Variants in CRYL1 observed in about 807,000 individuals in gnomAD.
CRYL1 encodes the protein crystallin lambda 1, also known as lambda-crystallin homolog.
A neutral mutation model predicts 36.6 loss-of-function variants in CRYL1; 29 were observed. The ratio of observed to expected loss-of-function variants is 0.79; its 90% confidence interval spans 0.59 to 1.08. The LOEUF (loss-of-function observed/expected upper bound fraction) is 1.08. Among genes scored for constraint, CRYL1 ranks in the 50% least tolerant of loss-of-function variants. CRYL1 has a pLI of 0.00. For missense variants in CRYL1, 411 were observed against 407.9 expected (o/e 1.01, Z -0.06); for synonymous variants, 152 against 151.5 (o/e 1.00, Z -0.02).
chr13:20,458,894 T>C (rs879441673), intron 3 of CRYL1, among the ~76,000 whole-genome samples: 3 of 152,214 alleles, frequency 2.0e-5, no homozygotes, highest in Admixed American at 6.5e-5. Flanking sequence ...AATTGTGCCC[T>C]TTTAAAAAAC....
At chr13:20,503,477 A>G (rs748593147) in intron 2 of CRYL1, among the ~76,000 whole-genome samples, 12 of 152,204 alleles carry the variant, frequency 7.9e-5, no homozygotes, top group Non-Finnish European at 1.6e-4. Flanking sequence ...CCTCCCGCTG[A>G]CTAGGCTGGG....
intron 5 of CRYL1, among the ~76,000 whole-genome samples, chr13:20,421,662 C>T (rs1467127449): frequency 6.6e-6 from 1 of 152,172 alleles, no homozygotes; most frequent in African/African-American, 2.4e-5. Context: ...TTCTGGGGAC[C>T]CTTACCCCTG....
At chr13:20,496,541 A>G (rs1196418662) in intron 2 of CRYL1, among the ~76,000 whole-genome samples, 1 of 152,208 alleles carries the variant, frequency 6.6e-6, no homozygotes, top group Non-Finnish European at 1.5e-5. Context: ...ACACAGTAAC[A>G]TAAAGCACAT....
At chr13:20,477,155 C>T (rs1056002736) in intron 3 of CRYL1, among the ~76,000 whole-genome samples, 1 of 152,042 alleles carries the variant, frequency 6.6e-6, no homozygotes, top group Non-Finnish European at 1.5e-5. Flanking sequence ...AGCGGGACTC[C>T]GTCTCAAAAA....
intron 6 of CRYL1, among the ~76,000 whole-genome samples, chr13:20,405,685 C>G (rs552676261): frequency 6.6e-6 from 1 of 152,196 alleles, no homozygotes; most frequent in South Asian, 2.1e-4. Flanking sequence ...CTGCTGCTCC[C>G]CAGCCTTGGA....
intron 4 of CRYL1, 65 bp downstream of exon 4, chr13:20,439,528 A>T: frequency 9.8e-7 from 1 of 1,024,968 alleles, no homozygotes; most frequent in Non-Finnish European, 1.3e-6. Context: ...AAAAAAAAAA[A>T]AAGAAAAAAA....
intron 2 of CRYL1, among the ~76,000 whole-genome samples, chr13:20,508,596 C>T (rs1006383823): frequency 6.6e-6 from 1 of 152,002 alleles, no homozygotes; most frequent in African/African-American, 2.4e-5. Flanking sequence ...CCTGTAATCC[C>T]AGCACTTTGG....
At position 20,430,585 on chromosome 13, in the gene CRYL1, A is replaced by C. The variant is rs1046299020; in HGVS notation, c.633+1517T>G. The C allele has an allele frequency of 3.0e-6, 3 of 985,246 alleles. No homozygotes were observed. In the African/African-American group the frequency reaches 5.2e-5, roughly 17 times the overall value. 61.0% of individuals were successfully genotyped at this position (985,246 alleles called of 1,614,324 possible). On this transcript the variant is annotated intron_variant, in intron 5 of 7. Transcript: ENST00000298248. Reference sequence around the variant, plus strand: ...CCCTCCTCCAGCAGCAAAAGGAAACACCAGAGTCCTCCATGGCTCTTGCAA... The same window carrying C: ...CCCTCCTCCAGCAGCAAAAGGAAACCCCAGAGTCCTCCATGGCTCTTGCAA...
intron 3 of CRYL1, among the ~76,000 whole-genome samples, chr13:20,482,676 C>T (rs1593476287): frequency 6.6e-6 from 1 of 152,146 alleles, no homozygotes; most frequent in African/African-American, 2.4e-5. Flanking sequence ...TGGGCTTCGC[C>T]CCCTGGGGCT....
intron 3 of CRYL1, among the ~76,000 whole-genome samples, chr13:20,444,576 G>A (rs12866627): frequency 0.25 from 37,879 of 152,144 alleles, 5,333 homozygotes; most frequent in Non-Finnish European, 0.32. Context: ...TTTTTGTACC[G>A]TTTGTGAAAT....
Position 20,478,723 on chromosome 13 carries a change from C to T in CRYL1, c.276+10647G>A, listed in dbSNP as rs187543714. On this transcript the variant is annotated intron_variant, in intron 3 of 7. Transcript: ENST00000298248. ...AACTCCTGAGCTCAAGCAATCTACC[C>T]GCTGTGGCCTCCCCATGTTCTGGGA... is the stretch of plus-strand genomic sequence containing the variant. Among the ~76,000 whole-genome samples the T allele has an allele frequency of 1.5e-3, 223 of 152,204 alleles. 1 individual carries two copies. The highest frequency in any genetic ancestry group is 1.8e-3 in the Admixed American group (27 of 15,294).
chr13:20,439,546 C>CAAAAAAAA, intron 4 of CRYL1, 47 bp downstream of exon 4: 1 of 693,692 alleles, frequency 1.4e-6, no homozygotes, highest in East Asian at 4.3e-5. Context: ...AAAAAAAACA[C>CAAAAAAAA]AGAATGAGAT....
rs2031292008 is a variant in CRYL1 at position 20,403,908 on chromosome 13, GC to G, written c.*220del. On this transcript the variant is annotated 3_prime_UTR_variant, in exon 8 of 8. Transcript: ENST00000298248. Reference sequence around the variant, plus strand: ...CTGCCCAGGTGGCAGGAAATCGACAGCCCCGAGAACGCAAGTGCTGCTGTGC... The same window carrying G: ...CTGCCCAGGTGGCAGGAAATCGACAGCCCGAGAACGCAAGTGCTGCTGTGC... 2.6e-6 allele frequency: 1 copy of G among 387,950 alleles called. No homozygotes were observed. Among genetic ancestry groups the G allele is most frequent in the Non-Finnish European group, 4.6e-6 (1 of 217,934 alleles). The allele number at this position is 387,950 out of a possible 1,614,324, so 24.0% of individuals were successfully genotyped here.
rs931552730 is a variant in CRYL1 at position 20,415,980 on chromosome 13, G to A, written c.634-2593C>T. ...GCCATGAGCCTTTGGCTAGTCTGGG[G>A]CTCCTGTGAGCAGGGCAGCCAGGGT... On this transcript the variant is annotated intron_variant, in intron 5 of 7. Transcript: ENST00000298248. The surrounding 1 kb of genome is among the most constrained non-coding windows in gnomAD (Gnocchi z 4.1). Among the ~76,000 whole-genome samples the A allele has an allele frequency of 1.3e-5, 2 of 152,212 alleles. No individual in the cohort carries two copies. The highest frequency in any genetic ancestry group is 2.4e-5 in the African/African-American group (1 of 41,450).
At chr13:20,421,565 G>A (rs968869062) in intron 5 of CRYL1, among the ~76,000 whole-genome samples, 5 of 152,118 alleles carry the variant, frequency 3.3e-5, no homozygotes, top group African/African-American at 1.2e-4. Flanking sequence ...GCTCCCACAA[G>A]GGAAGAGGGA....
intron 2 of CRYL1, among the ~76,000 whole-genome samples, chr13:20,500,688 T>G (rs74036401): frequency 0.02 from 3,023 of 152,284 alleles, 103 homozygotes; most frequent in African/African-American, 0.067. Flanking sequence ...TGGATGGTCA[T>G]GAGGTCTTCC....
chr13:20,415,775 G>A lies in CRYL1; in HGVS notation c.634-2388C>T, dbSNP rs1471060808. Among the ~76,000 whole-genome samples, 2 of 152,224 alleles carry A rather than the reference G, an allele frequency of 1.3e-5. No homozygotes were observed. Among genetic ancestry groups the A allele is most frequent in the Admixed American group, 6.5e-5 (1 of 15,280 alleles). On this transcript the variant is annotated intron_variant, in intron 5 of 7. Coordinates refer to ENST00000298248, the MANE Select transcript of CRYL1 (RefSeq NM_015974.3). This position sits in a 1 kb window ranked among gnomAD's most constrained non-coding sequence, Gnocchi z 4.1. ...TTCCCGCTTTTCAGACTGGCCGCCC[G>A]TGTTCACATTCCTCAGCTGCAGCGT...
chr13:20,419,288 T>TTTA (rs1240995162), intron 5 of CRYL1, among the ~76,000 whole-genome samples: 10 of 151,856 alleles, frequency 6.6e-5, no homozygotes, highest in African/African-American at 2.2e-4. Flanking sequence ...AGAGATTAAG[T>TTTA]TTATTATTAT....
chr13:20,486,266 C>T (rs1022406427), intron 3 of CRYL1, among the ~76,000 whole-genome samples: 3 of 152,172 alleles, frequency 2.0e-5, no homozygotes, highest in African/African-American at 7.2e-5. Context: ...TGCTTCTCTT[C>T]GTGTACTCCT....
Sources: allele counts gnomAD v4.1 joint callset (sites outside exome capture counted in the v4.1 genomes callset), GRCh38; gene constraint gnomAD v4.1.1; non-coding constraint Gnocchi (gnomAD v3.1); transcripts MANE v1.5; gene names NCBI Gene and HGNC (gene_info 2026-07-23, HGNC 2026-07-21).